Variants in RORB observed in about 807,000 individuals in gnomAD.
The protein encoded by RORB is RAR related orphan receptor B.
In RORB, 6 loss-of-function variants were observed where a neutral mutation model predicts 59.1. The ratio of observed to expected loss-of-function variants is 0.10; its 90% confidence interval spans 0.06 to 0.20. The LOEUF (loss-of-function observed/expected upper bound fraction) is 0.20, where lower values mean the gene tolerates loss of function less well. Among genes scored for constraint, RORB ranks in the 10% least tolerant of loss-of-function variants. The pLI, the probability that RORB is intolerant of heterozygous loss-of-function variation, is 1.00. For missense variants in RORB, 320 were observed against 560.5 expected, an observed-to-expected ratio of 0.57 and a Z score of 4.33; for synonymous variants, 215 against 204.5, an observed-to-expected ratio of 1.05 and a Z score of -0.44.
chr9:74,520,377 T>C (rs1421981640), intron 1 of RORB, among the ~76,000 whole-genome samples: 3 of 151,886 alleles, frequency 2.0e-5, no homozygotes, highest in Admixed American at 1.3e-4. Context: ...AAAAACAACT[T>C]TGAAAACCTT....
chr9:74,585,794 A>ATTTATTTATTTATTTATTTG (rs1822789416), intron 1 of RORB, among the ~76,000 whole-genome samples: 2 of 150,482 alleles, frequency 1.3e-5, no homozygotes, highest in Non-Finnish European at 3.0e-5. Context: ...ATATTTATTT[A>ATTTATTTATTTATTTATTTG]TTTATTTATT....
chr9:74,594,813 A>G (rs1822948049), intron 1 of RORB, among the ~76,000 whole-genome samples: 1 of 152,176 alleles, frequency 6.6e-6, no homozygotes, highest in Non-Finnish European at 1.5e-5. Flanking sequence ...AAAAGGAAGG[A>G]AAGAGGGAGG....
chr9:74,549,936 G>A (rs927250667), intron 1 of RORB, among the ~76,000 whole-genome samples: 14 of 151,988 alleles, frequency 9.2e-5, no homozygotes, highest in African/African-American at 3.4e-4. Flanking sequence ...CACCATGTTG[G>A]CCAGGCTGGT....
At chr9:74,641,984 G>A (rs1259314731) in intron 3 of RORB, among the ~76,000 whole-genome samples, 2 of 151,792 alleles carry the variant, frequency 1.3e-5, no homozygotes, top group Non-Finnish European at 2.9e-5. Context: ...GAAATACTAG[G>A]GTCCAATCTG....
chr9:74,679,782 A>G (rs1401344801), intron 9 of RORB, among the ~76,000 whole-genome samples: 1 of 152,122 alleles, frequency 6.6e-6, no homozygotes, highest in African/African-American at 2.4e-5. Flanking sequence ...AAAGGTTTTG[A>G]TATTACTCCT....
intron 1 of RORB, among the ~76,000 whole-genome samples, chr9:74,574,868 T>C (rs1030693728): frequency 4.6e-5 from 7 of 151,674 alleles, no homozygotes; most frequent in African/African-American, 7.3e-5. Context: ...CAGGAAGGAG[T>C]TTTAACACGA....
intron 2 of RORB, among the ~76,000 whole-genome samples, chr9:74,633,014 T>A (rs1405423516): frequency 1.3e-5 from 2 of 152,172 alleles, no homozygotes; most frequent in African/African-American, 4.8e-5. Flanking sequence ...CTAAGCCAGT[T>A]GGGACTCTCT....
chr9:74,549,603 A>AGGAT lies in RORB; in HGVS notation c.7+51623_7+51624insTGGA, dbSNP rs1563934599. On this transcript the variant is annotated intron_variant, in intron 1 of 9. Coordinates refer to ENST00000376896, the MANE Select transcript of RORB (RefSeq NM_006914.4). ...AAGGAAGGAAGGAAGGAAGGAAGGA[A>AGGAT]GGAAGAAAGGAAGGAAGGAAGGAAG... Among the ~76,000 whole-genome samples the AGGAT allele has an allele frequency of 9.1e-5, 5 of 54,958 alleles. No individual in the cohort carries two copies. The South Asian group carries it at 2.5e-3, about 28-fold the overall frequency. 36.1% of individuals were successfully genotyped at this position (54,958 alleles called of 152,430 possible).
At chr9:74,519,320 G>A (rs1826052260) in intron 1 of RORB, among the ~76,000 whole-genome samples, 1 of 152,014 alleles carries the variant, frequency 6.6e-6, no homozygotes, top group South Asian at 2.1e-4. Flanking sequence ...AGGGTGGGTA[G>A]GTTGTGTGGG....
intron 9 of RORB, among the ~76,000 whole-genome samples, chr9:74,682,306 A>T: frequency 7.6e-6 from 1 of 131,950 alleles, no homozygotes; most frequent in African/African-American, 2.8e-5. Flanking sequence ...GGGGGGAGGG[A>T]TAGCATTTGG....
At chr9:74,562,358 A>G (rs1822408072) in intron 1 of RORB, among the ~76,000 whole-genome samples, 1 of 152,218 alleles carries the variant, frequency 6.6e-6, no homozygotes, top group African/African-American at 2.4e-5. Context: ...GATTCCTGCA[A>G]TCTTCTCTGT....
At chr9:74,664,399 T>C (rs1431501626) in intron 6 of RORB, among the ~76,000 whole-genome samples, 2 of 152,148 alleles carry the variant, frequency 1.3e-5, no homozygotes, top group Admixed American at 6.5e-5. Flanking sequence ...GGTGTAAAAA[T>C]GTTGACTCTA....
chr9:74,537,933 A>T (rs1826345683), intron 1 of RORB, among the ~76,000 whole-genome samples: 1 of 152,102 alleles, frequency 6.6e-6, no homozygotes, highest in Non-Finnish European at 1.5e-5. Flanking sequence ...CTAGGCCTTC[A>T]TTCACTCAGC....
intron 1 of RORB, among the ~76,000 whole-genome samples, chr9:74,505,300 G>A (rs1429264656): frequency 6.6e-6 from 1 of 151,744 alleles, no homozygotes; most frequent in Non-Finnish European, 1.5e-5. Flanking sequence ...CTCATTGATC[G>A]ACTCATTTTT....
chr9:74,550,145 G>A (rs1826584968), intron 1 of RORB, among the ~76,000 whole-genome samples: 1 of 152,114 alleles, frequency 6.6e-6, no homozygotes, highest in African/African-American at 2.4e-5. Context: ...AATATTTTAT[G>A]TTGTACCACT....
rs1053961697 is a variant in RORB at position 74,627,882 on chromosome 9, T to C, written c.8-2400T>C. Reference sequence around the variant, plus strand: ...GAAAAGATCTTTGATAAAGGAATAATAATGTGGCTTGTCATATTTTGTGTC... The same window carrying C: ...GAAAAGATCTTTGATAAAGGAATAACAATGTGGCTTGTCATATTTTGTGTC... On this transcript the variant is annotated intron_variant, in intron 1 of 9. Transcript: ENST00000376896. Among the ~76,000 whole-genome samples, 9 of 152,024 alleles carry C rather than the reference T, an allele frequency of 5.9e-5. No individual in the cohort carries two copies. The South Asian group carries it at 1.9e-3, about 32-fold the overall frequency.
Position 74,541,716 on chromosome 9 carries a change from A to T in RORB, c.7+43733A>T, listed in dbSNP as rs76105593. 7.9e-3 allele frequency among the ~76,000 whole-genome samples: 1,199 copies of T among 152,242 alleles called. 39 individuals are homozygous for T. The highest frequency in any genetic ancestry group is 0.066 in the East Asian group (340 of 5,182). On this transcript the variant is annotated intron_variant, in intron 1 of 9. Transcript: ENST00000376896. ...AAGCTTCCCTTTAATAAACTTACAA[A>T]CATACCTAATCCGGAAAGGAGAAGG...
chr9:74,555,453 A>C (rs1364084099), intron 1 of RORB, among the ~76,000 whole-genome samples: 1 of 152,220 alleles, frequency 6.6e-6, no homozygotes, highest in Non-Finnish European at 1.5e-5. Flanking sequence ...GAGAGAAATA[A>C]AACCTTAATA....
chr9:74,665,324 C>A (rs930218997), intron 6 of RORB, among the ~76,000 whole-genome samples, 164 bp from the exon 7 acceptor site: 1 of 151,820 alleles, frequency 6.6e-6, no homozygotes, highest in Non-Finnish European at 1.5e-5. Context: ...GGGGAAGGAA[C>A]TTAAGGGATT....
Sources: allele counts gnomAD v4.1 joint callset (sites outside exome capture counted in the v4.1 genomes callset), GRCh38; gene constraint gnomAD v4.1.1; transcripts MANE v1.5; gene names NCBI Gene and HGNC (gene_info 2026-07-23, HGNC 2026-07-21).